PTPRD: variants seen among roughly 807,000 people sequenced by gnomAD.
PTPRD encodes receptor-type tyrosine-protein phosphatase delta.
PTPRD carries 34 observed loss-of-function variants against 214.5 expected under a neutral mutation model. That is an observed-to-expected ratio of 0.16 (90% CI 0.12 to 0.21). The LOEUF is 0.21. Ranked by LOEUF, PTPRD falls within the 10% of genes least tolerant of loss-of-function variation. The pLI, the probability that PTPRD is intolerant of heterozygous loss-of-function variation, is 1.00. For synonymous variants in PTPRD, 1,128 were observed against 845.7 expected (o/e 1.33, Z -5.79); for missense variants, 2,545 against 2,398.7 (o/e 1.06, Z -1.27).
intron 3 of PTPRD, among the ~76,000 whole-genome samples, chr9:10,319,859 T>C (rs2096522794): frequency 6.6e-6 from 1 of 152,008 alleles, no homozygotes; most frequent in South Asian, 2.1e-4. Context: ...AAATGCTTGG[T>C]AGTAACATGT....
intron 5 of PTPRD, among the ~76,000 whole-genome samples, chr9:9,924,391 C>T (rs941915233): frequency 6.6e-6 from 1 of 152,030 alleles, no homozygotes; most frequent in Non-Finnish European, 1.5e-5. Context: ...TGCCATTATT[C>T]TGTTGCTGTT....
intron 3 of PTPRD, among the ~76,000 whole-genome samples, chr9:10,126,464 T>C (rs991092776): frequency 2.7e-4 from 40 of 146,984 alleles, no homozygotes; most frequent in Admixed American, 1.4e-3. Context: ...CACACACACA[T>C]TGATATATAT....
chr9:10,198,946 G>A (rs748868992), intron 3 of PTPRD, among the ~76,000 whole-genome samples: 1 of 152,036 alleles, frequency 6.6e-6, no homozygotes, highest in Non-Finnish European at 1.5e-5. Context: ...TTTAAACTTT[G>A]AATGGTTCAA....
At chr9:8,798,469 T>G (rs1384524322) in intron 11 of PTPRD, among the ~76,000 whole-genome samples, 1 of 152,188 alleles carries the variant, frequency 6.6e-6, no homozygotes, top group Non-Finnish European at 1.5e-5. Flanking sequence ...AGAGAAGTTC[T>G]GATATTTACT....
intron 5 of PTPRD, among the ~76,000 whole-genome samples, chr9:9,889,285 G>T (rs550302155): frequency 1.3e-5 from 2 of 152,130 alleles, no homozygotes; most frequent in African/African-American, 4.8e-5. Context: ...CACAAAAATG[G>T]TAACTCTGTG....
chr9:8,555,603 C>T (rs942524987), intron 14 of PTPRD, among the ~76,000 whole-genome samples: 1 of 152,206 alleles, frequency 6.6e-6, no homozygotes, highest in Admixed American at 6.5e-5. Context: ...ATCAGCCTTG[C>T]TGCCTTCTGG....
At chr9:10,462,375 A>G (rs1010219165) in intron 2 of PTPRD, among the ~76,000 whole-genome samples, 3 of 147,876 alleles carry the variant, frequency 2.0e-5, no homozygotes, top group Non-Finnish European at 4.5e-5. Context: ...CTTTTAAGAA[A>G]GGTAATATGA....
intron 11 of PTPRD, among the ~76,000 whole-genome samples, chr9:8,822,397 CAT>C (rs1438516118): frequency 1.3e-5 from 2 of 152,188 alleles, no homozygotes; most frequent in African/African-American, 4.8e-5. Context: ...CCAATATAAT[CAT>C]GTGTTCTGAC....
chr9:9,789,131 T>C (rs905570593), intron 5 of PTPRD, among the ~76,000 whole-genome samples: 10 of 152,252 alleles, frequency 6.6e-5, no homozygotes, highest in Admixed American at 6.5e-4. Context: ...GTATTTATTG[T>C]AGTCTACTTT....
At chr9:9,801,529 G>C (rs2099040084) in intron 5 of PTPRD, among the ~76,000 whole-genome samples, 2 of 152,142 alleles carry the variant, frequency 1.3e-5, no homozygotes, top group South Asian at 4.1e-4. Flanking sequence ...ACAAAGGCAA[G>C]TTTACCAAGG....
At chr9:10,560,710 G>T (rs192671228) in intron 2 of PTPRD, among the ~76,000 whole-genome samples, 1 of 152,194 alleles carries the variant, frequency 6.6e-6, no homozygotes, top group Non-Finnish European at 1.5e-5. Context: ...ATAAAGTGCT[G>T]TACCAGTCGC....
chr9:10,106,176 G>A (rs866496207), intron 3 of PTPRD, among the ~76,000 whole-genome samples: 8 of 151,606 alleles, frequency 5.3e-5, no homozygotes, highest in African/African-American at 1.5e-4. Flanking sequence ...CTTTTAACAA[G>A]TTCTCTCCTC....
At chr9:10,337,018 G>C (rs2096856135) in intron 3 of PTPRD, among the ~76,000 whole-genome samples, 1 of 151,656 alleles carries the variant, frequency 6.6e-6, no homozygotes, top group Non-Finnish European at 1.5e-5. Flanking sequence ...AGGTGAGTTA[G>C]TTTGCGACTG....
chr9:10,232,216 C>A (rs925259729), intron 3 of PTPRD, among the ~76,000 whole-genome samples: 11 of 151,736 alleles, frequency 7.2e-5, no homozygotes, highest in Non-Finnish European at 2.9e-5. Flanking sequence ...CTAAATACAC[C>A]TTTTTTCCTT....
chr9:10,367,981 T>G (rs530566660), intron 2 of PTPRD, among the ~76,000 whole-genome samples: 1 of 152,166 alleles, frequency 6.6e-6, no homozygotes, highest in Non-Finnish European at 1.5e-5. Context: ...ACTGTTATTA[T>G]TAATTACTAT....
intron 7 of PTPRD, among the ~76,000 whole-genome samples, chr9:9,588,804 T>C (rs374077117): frequency 6.6e-6 from 1 of 151,948 alleles, no homozygotes; most frequent in South Asian, 2.1e-4. Flanking sequence ...TCATTTTAGC[T>C]GAGTATAATG....
At chr9:8,431,238 T>A (rs1219473949) in intron 35 of PTPRD, among the ~76,000 whole-genome samples, 1 of 152,170 alleles carries the variant, frequency 6.6e-6, no homozygotes, top group Non-Finnish European at 1.5e-5. Context: ...ATGGGGCCTG[T>A]ACGTAAATGA....
rs536351103 is a variant in PTPRD at position 8,851,863 on chromosome 9, C to G, written c.-103-117917G>C. Among the ~76,000 whole-genome samples, 5 of 151,858 alleles carry G rather than the reference C, an allele frequency of 3.3e-5. No homozygotes were observed. The East Asian group carries it at 9.7e-4, about 30-fold the overall frequency. On this transcript the variant is annotated intron_variant, in intron 11 of 45. Transcript: ENST00000381196. ...ATAAATTTAGTTCTTCCTATAAGAA[C>G]TGAATGTTCTTTTCACTGTAGCCTA...
At chr9:8,620,070 G>A (rs907454427) in intron 14 of PTPRD, among the ~76,000 whole-genome samples, 1 of 151,960 alleles carries the variant, frequency 6.6e-6, no homozygotes, top group South Asian at 2.1e-4. Flanking sequence ...TTAGGGCTAA[G>A]AATCTATCAG....
Sources: allele counts gnomAD v4.1 joint callset (sites outside exome capture counted in the v4.1 genomes callset), GRCh38; gene constraint gnomAD v4.1.1; transcripts MANE v1.5; gene names NCBI Gene and HGNC (gene_info 2026-07-23, HGNC 2026-07-21).